Variants in MINAR1 observed in about 807,000 individuals in gnomAD.
MINAR1 encodes the protein major intrinsically disordered Notch2-binding receptor 1.
Under a neutral mutation model 65.1 loss-of-function variants are expected in MINAR1, and 40 were observed. That is an observed-to-expected ratio of 0.61 (90% CI 0.48 to 0.80). The LOEUF (loss-of-function observed/expected upper bound fraction) is 0.80. MINAR1 is among the 30% of genes least tolerant of loss of function. The probability of loss-of-function intolerance (pLI) is 0.00; values close to 1 mark genes in which losing one functional copy is unlikely to be tolerated. For synonymous variants in MINAR1, 482 were observed against 449.1 expected (o/e 1.07, Z -0.93); for missense variants, 1,128 against 1,148.0 (o/e 0.98, Z 0.25).
chr15:79,463,826 C>T (rs1443716789), intron 3 of MINAR1: 2 of 449,370 alleles, frequency 4.5e-6, no homozygotes, highest in African/African-American at 2.0e-5. Context: ...TTTGTTCACC[C>T]ACAAGCAGGG....
chr15:79,437,750 AGGTAGTGTGTGGGGTGTGAG>A (rs1894660013), intron 1 of MINAR1, among the ~76,000 whole-genome samples: 1 of 11,454 alleles, frequency 8.7e-5, no homozygotes, highest in African/African-American at 2.9e-4. Flanking sequence ...GGGTGTGTGT[AGGTAGTGTGTGGGGTGTGAG>A]TGGGGTGGGT....
intron 3 of MINAR1, among the ~76,000 whole-genome samples, chr15:79,465,914 C>T (rs1254817440): frequency 6.6e-6 from 1 of 152,058 alleles, no homozygotes; most frequent in African/African-American, 2.4e-5. Flanking sequence ...AGACTGGCCC[C>T]AAGGGCCTGT....
Position 79,468,457 on chromosome 15 carries a change from T to C in MINAR1, c.*73T>C. The stretch of plus-strand genomic sequence containing the variant: ...TCTGTATCTTAGAATCTTGCAGCAG[T>C]GAGGCAACAATTTGTTGAAATGGAG... On this transcript the variant is annotated 3_prime_UTR_variant, in exon 4 of 4. Transcript: ENST00000305428. The C allele has an allele frequency of 7.5e-7, 1 of 1,330,676 alleles. No homozygotes were observed. The highest frequency in any genetic ancestry group is 1.3e-5 in the South Asian group (1 of 74,906). 82.4% of individuals were successfully genotyped at this position (1,330,676 alleles called of 1,614,324 possible). A position where few individuals can be genotyped will look rare whatever the true frequency, so the allele number is the denominator to read the frequency against.
the MINAR1 span, chr15:79,425,296 G>A: frequency 2.0e-5 from 3 of 152,198 alleles, no homozygotes; most frequent in Non-Finnish European, 4.4e-5. Flanking sequence ...CACCTGTCAA[G>A]GTGCTGGGAT....
chr15:79,453,158 G>A (rs898730353), intron 1 of MINAR1, among the ~76,000 whole-genome samples: 11 of 151,942 alleles, frequency 7.2e-5, no homozygotes, highest in Non-Finnish European at 1.2e-4. Flanking sequence ...GGGAATGTCC[G>A]TGCCCCCCTC....
rs1244220474 is a variant in MINAR1 at position 79,470,767 on chromosome 15, T to C, written c.*2383T>C. 6.6e-6 allele frequency: 1 copy of C among 152,246 alleles called. No homozygotes were observed. The highest frequency in any genetic ancestry group is 1.5e-5 in the Non-Finnish European group (1 of 68,052). The allele number at this position is 152,246 out of a possible 1,614,324, so 9.4% of individuals were successfully genotyped here. A position where few individuals can be genotyped will look rare whatever the true frequency, so the allele number is the denominator to read the frequency against. Reference sequence around the variant, plus strand: ...ATTGTTGTCACGTAACGGAAACATCTAGACCTGGTAATAATCCAGGAAATT... The same window carrying C: ...ATTGTTGTCACGTAACGGAAACATCCAGACCTGGTAATAATCCAGGAAATT... On this transcript the variant is annotated 3_prime_UTR_variant, in exon 4 of 4. Transcript: ENST00000305428.
At chr15:79,450,832 A>G (rs967520359) in intron 1 of MINAR1, among the ~76,000 whole-genome samples, 4 of 152,232 alleles carry the variant, frequency 2.6e-5, no homozygotes, top group Non-Finnish European at 5.9e-5. Context: ...GCTGTGAGGC[A>G]TGAAGCCACT....
intron 3 of MINAR1, 118 bp from the exon 4 acceptor site, chr15:79,468,069 C>T (rs2141310775): frequency 1.3e-6 from 1 of 751,876 alleles, no homozygotes; most frequent in Non-Finnish European, 2.2e-6. Context: ...TTATGCAATA[C>T]AGTCTCTAAC....
chr15:79,454,459 A>C (rs771315238), intron 1 of MINAR1, among the ~76,000 whole-genome samples: 1 of 152,230 alleles, frequency 6.6e-6, no homozygotes, highest in Non-Finnish European at 1.5e-5. Context: ...CAGTTATCAA[A>C]ATACTAATTT....
In MINAR1 at chr15:79,469,697, C is replaced by G. The variant is rs1170652978; in HGVS notation, c.*1313C>G. 6.6e-6 allele frequency: 1 copy of G among 152,574 alleles called. No homozygotes were observed. Among genetic ancestry groups the G allele is most frequent in the Non-Finnish European group, 1.5e-5 (1 of 68,032 alleles). The allele number at this position is 152,574 out of a possible 1,614,324, so 9.5% of individuals were successfully genotyped here. On this transcript the variant is annotated 3_prime_UTR_variant, in exon 4 of 4. Coordinates refer to ENST00000305428, the MANE Select transcript of MINAR1 (RefSeq NM_015206.3). ...ATCTGTTTCCACCTGCTGAATGGTG[C>G]TCTGACAATAATGGAACAGAAAGAA...
chr15:79,469,686 G>A lies in MINAR1; in HGVS notation c.*1302G>A, dbSNP rs1200100635. ...ATCCAAATTTGATCTGTTTCCACCT[G>A]CTGAATGGTGCTCTGACAATAATGG... On this transcript the variant is annotated 3_prime_UTR_variant, in exon 4 of 4. Coordinates refer to ENST00000305428, the MANE Select transcript of MINAR1 (RefSeq NM_015206.3). 1 of 152,590 alleles carries A rather than the reference G, an allele frequency of 6.6e-6. No homozygotes were observed. Among genetic ancestry groups the A allele is most frequent in the Non-Finnish European group, 1.5e-5 (1 of 68,038 alleles). The allele number at this position is 152,590 out of a possible 1,614,324, so 9.5% of individuals were successfully genotyped here. A position where few individuals can be genotyped will look rare whatever the true frequency, so the allele number is the denominator to read the frequency against.
intron 1 of MINAR1, among the ~76,000 whole-genome samples, chr15:79,433,405 A>C (rs192186189): frequency 3.1e-4 from 47 of 152,324 alleles, no homozygotes; most frequent in Non-Finnish European, 2.5e-4. Context: ...CGCTTAATTC[A>C]GCGGGAATTA....
At chr15:79,437,785 T>A (rs1329223649) in intron 1 of MINAR1, among the ~76,000 whole-genome samples, 2 of 29,752 alleles carry the variant, frequency 6.7e-5, no homozygotes, top group Non-Finnish European at 1.3e-4. Context: ...GTGGGTAGTG[T>A]GTGGGGTGTG....
At chr15:79,437,059 A>T (rs1334481765) in intron 1 of MINAR1, among the ~76,000 whole-genome samples, 3 of 152,232 alleles carry the variant, frequency 2.0e-5, no homozygotes, top group African/African-American at 7.2e-5. Context: ...TCAGGAAGCT[A>T]AACATGCAAG....
chr15:79,435,678 T>C (rs566155285), intron 1 of MINAR1, among the ~76,000 whole-genome samples: 1 of 152,338 alleles, frequency 6.6e-6, no homozygotes, highest in Admixed American at 6.5e-5. Flanking sequence ...GTAAAGTTAT[T>C]CTGGCAGACC....
At position 79,469,225 on chromosome 15, in the gene MINAR1, A is replaced by G. The variant is rs1052050274; in HGVS notation, c.*841A>G. 6.6e-6 allele frequency: 1 copy of G among 152,622 alleles called. No homozygotes were observed. Among genetic ancestry groups the G allele is most frequent in the South Asian group, 2.1e-4 (1 of 4,830 alleles). The allele number at this position is 152,622 out of a possible 1,614,324, so 9.5% of individuals were successfully genotyped here. Reference sequence around the variant, plus strand: ...GTGTGGCTCCATTCCTTGATTTTCTATCTCCTGGTGGTACCAGATGCTCTG... The same window carrying G: ...GTGTGGCTCCATTCCTTGATTTTCTGTCTCCTGGTGGTACCAGATGCTCTG... On this transcript the variant is annotated 3_prime_UTR_variant, in exon 4 of 4. Transcript: ENST00000305428.
upstream of MINAR1, among the ~76,000 whole-genome samples, chr15:79,428,471 TTTCCCTCCTTTCTTCCCCCTCC>T (rs1894368610): frequency 8.8e-6 from 1 of 113,654 alleles, no homozygotes; most frequent in Non-Finnish European, 1.8e-5. Flanking sequence ...TCCCTCCCTC[TTTCCCTCCTTTCTTCCCCCTCC>T]CTCCCTCCTT....
intron 2 of MINAR1, 43 bp from the exon 3 acceptor site, chr15:79,463,024 G>T (rs1484324111): frequency 6.3e-7 from 1 of 1,576,572 alleles, no homozygotes; most frequent in Middle Eastern, 1.7e-4. Context: ...AAATCCAAGG[G>T]CAACTGTGCC....
At chr15:79,439,201 G>A in intron 1 of MINAR1, among the ~76,000 whole-genome samples, 1 of 93,560 alleles carries the variant, frequency 1.1e-5, no homozygotes, top group South Asian at 4.1e-4. Flanking sequence ...AGTGTGGGGT[G>A]GGTAGTGAGT....
Sources: allele counts gnomAD v4.1 joint callset (sites outside exome capture counted in the v4.1 genomes callset), GRCh38; gene constraint gnomAD v4.1.1; transcripts MANE v1.5; gene names NCBI Gene and HGNC (gene_info 2026-07-23, HGNC 2026-07-21).